Variants in ATP10A observed in about 807,000 individuals in gnomAD.
ATP10A encodes phospholipid-transporting ATPase VA.
In ATP10A, 111 loss-of-function variants were observed where a neutral mutation model predicts 147.8. The ratio of observed to expected loss-of-function variants is 0.75; its 90% CI spans 0.64 to 0.88. The LOEUF is 0.88. Among genes scored for constraint, ATP10A ranks in the 40% least tolerant of loss-of-function variants. The pLI is 0.00. For missense variants in ATP10A, 1,927 were observed against 1,959.0 expected (o/e 0.98, Z 0.31); for synonymous variants, 875 against 841.6 (o/e 1.04, Z -0.69).
intron 9 of ATP10A, among the ~76,000 whole-genome samples, chr15:25,714,877 C>T (rs1210167972): frequency 2.0e-5 from 3 of 151,844 alleles, no homozygotes; most frequent in Non-Finnish European, 4.4e-5. Context: ...TCCTTCTAAG[C>T]GCATTAAATA....
intron 1 of ATP10A, among the ~76,000 whole-genome samples, chr15:25,816,879 A>T (rs1437358981): frequency 6.6e-6 from 1 of 152,186 alleles, no homozygotes; most frequent in African/African-American, 2.4e-5. Flanking sequence ...GGATCTTAAA[A>T]ATCCAATTGT....
At chr15:25,796,556 A>G (rs1025331237) in intron 1 of ATP10A, among the ~76,000 whole-genome samples, 2 of 152,234 alleles carry the variant, frequency 1.3e-5, no homozygotes, top group Non-Finnish European at 2.9e-5. Context: ...GTTCATGCAC[A>G]AACGTGGTAC....
intron 17 of ATP10A, among the ~76,000 whole-genome samples, chr15:25,682,894 A>G (rs1294970386): frequency 6.6e-6 from 1 of 152,198 alleles, no homozygotes; most frequent in Non-Finnish European, 1.5e-5. Context: ...GCCAGTATGT[A>G]TTTAAATCTA....
At chr15:25,741,083 C>G (rs1002507557) in intron 2 of ATP10A, among the ~76,000 whole-genome samples, 2 of 152,202 alleles carry the variant, frequency 1.3e-5, no homozygotes, top group Non-Finnish European at 2.9e-5. Context: ...GGTGCCACAG[C>G]TCCGAACTTG....
intron 2 of ATP10A, among the ~76,000 whole-genome samples, chr15:25,750,412 A>T (rs970337940): frequency 6.6e-6 from 1 of 152,118 alleles, no homozygotes; most frequent in Non-Finnish European, 1.5e-5. Context: ...GCTGAAAAAA[A>T]ATTCCTCACC....
chr15:25,713,626 G>A (rs1214535093), intron 10 of ATP10A, 48 bp downstream of exon 10: 1 of 1,563,824 alleles, frequency 6.4e-7, no homozygotes. Flanking sequence ...ATATTTCTCA[G>A]GACCTCCTCC....
intron 13 of ATP10A, among the ~76,000 whole-genome samples, chr15:25,699,787 G>C (rs941356175): frequency 2.6e-5 from 4 of 152,160 alleles, no homozygotes; most frequent in African/African-American, 9.7e-5. Context: ...AGGATCCCTT[G>C]AGCCTGGGAG....
intron 2 of ATP10A, among the ~76,000 whole-genome samples, chr15:25,760,002 C>A (rs1005821212): frequency 2.6e-5 from 4 of 151,512 alleles, no homozygotes; most frequent in African/African-American, 7.3e-5. Context: ...AAGTCTCACT[C>A]CGTCGCCAGG....
At chr15:25,850,647 C>G (rs555127166) in intron 1 of ATP10A, among the ~76,000 whole-genome samples, 32 of 150,320 alleles carry the variant, frequency 2.1e-4, no homozygotes, top group Middle Eastern at 3.2e-3. Context: ...CTCCCTCCCC[C>G]CCCAGCCCCG....
intron 2 of ATP10A, among the ~76,000 whole-genome samples, chr15:25,749,257 A>AG (rs1348103738): frequency 1.3e-5 from 2 of 152,182 alleles, no homozygotes; most frequent in African/African-American, 4.8e-5. Context: ...TCACTTTGCT[A>AG]GGAATACATC....
At position 25,684,267 on chromosome 15, in the gene ATP10A, G is replaced by A. The variant is rs191334334; in HGVS notation, c.3292-781C>T. 3.9e-5 allele frequency among the ~76,000 whole-genome samples: 6 copies of A among 152,344 alleles called. No individual in the cohort carries two copies. In the East Asian group the frequency reaches 1.2e-3, roughly 29 times the overall value. On this transcript the variant is annotated intron_variant, in intron 16 of 20. Transcript: ENST00000555815. ...CTAGATTCCTGAATATCAGCAGCCTGAGTGCATTTATACGGTGGACATGAC... is the reference window on the plus strand; with the variant it reads ...CTAGATTCCTGAATATCAGCAGCCTAAGTGCATTTATACGGTGGACATGAC...
intron 2 of ATP10A, among the ~76,000 whole-genome samples, chr15:25,750,818 A>G (rs570421895): frequency 6.6e-6 from 1 of 152,094 alleles, no homozygotes; most frequent in Non-Finnish European, 1.5e-5. Flanking sequence ...CTGAAATAAT[A>G]TCACTGAAAG....
At chr15:25,858,911 T>C (rs1597010768) in intron 1 of ATP10A, among the ~76,000 whole-genome samples, 1 of 152,038 alleles carries the variant, frequency 6.6e-6, no homozygotes, top group East Asian at 1.9e-4. Flanking sequence ...AAGATAACAA[T>C]AGCCTAGGCA....
intron 13 of ATP10A, among the ~76,000 whole-genome samples, chr15:25,697,552 C>T (rs1596704313): frequency 6.6e-6 from 1 of 152,118 alleles, no homozygotes; most frequent in South Asian, 2.1e-4. Flanking sequence ...ATTGAACATG[C>T]TGGAAATGAA....
rs192883875 is a variant in ATP10A, at chr15:25,764,466, G to A, written c.654+16553C>T. Among the ~76,000 whole-genome samples the A allele has an allele frequency of 1.5e-3, 226 of 152,248 alleles. 1 individual carries two copies. The highest frequency in any genetic ancestry group is 5.2e-3 in the African/African-American group (214 of 41,546). Reference sequence around the variant, plus strand: ...TTAGGGCATGAGGGTGGAGCCTCACGAGTGGGATTAGTGCCCTTCTAAGAA... The same window carrying A: ...TTAGGGCATGAGGGTGGAGCCTCACAAGTGGGATTAGTGCCCTTCTAAGAA... On this transcript the variant is annotated intron_variant, in intron 2 of 20. Transcript: ENST00000555815.
At chr15:25,801,495 C>T (rs1215512555) in intron 1 of ATP10A, among the ~76,000 whole-genome samples, 4 of 152,168 alleles carry the variant, frequency 2.6e-5, no homozygotes, top group Admixed American at 6.5e-5. Flanking sequence ...TAGCATCCTG[C>T]GTCAGGCAGA....
Position 25,683,658 on chromosome 15 carries a change from C to T in ATP10A, c.3292-172G>A, listed in dbSNP as rs917990993. The stretch of plus-strand genomic sequence containing the variant: ...TGAGCCCTGCTGCTGGCCTCTGCCT[C>T]TCCCTCTTCCTCTTTCCCTTCGCCC... On this transcript the variant is annotated intron_variant, in intron 16 of 20. Transcript: ENST00000555815. The T allele has an allele frequency of 8.0e-6, 5 of 625,438 alleles. No homozygotes were observed. In the African/African-American group the frequency reaches 9.2e-5, roughly 12 times the overall value. The allele number at this position is 625,438 out of a possible 1,614,324, so 38.7% of individuals were successfully genotyped here.
rs550120278 is a variant in ATP10A, at chr15:25,680,717, A to G, written c.3678+93T>C. Reference sequence around the variant, plus strand: ...AGCTTTGCAGTCTCCTGTCTACTCAAAACGACCTCCCAGACCTCATGAATC... The same window carrying G: ...AGCTTTGCAGTCTCCTGTCTACTCAGAACGACCTCCCAGACCTCATGAATC... On this transcript the variant is annotated intron_variant, in intron 19 of 20. Coordinates refer to ENST00000555815, the MANE Select transcript of ATP10A (RefSeq NM_024490.4). 3 of 1,243,074 alleles carry G rather than the reference A, an allele frequency of 2.4e-6. No homozygotes were observed. The South Asian group carries it at 3.7e-5, about 15-fold the overall frequency. The allele number at this position is 1,243,074 out of a possible 1,614,324, so 77.0% of individuals were successfully genotyped here.
At chr15:25,854,426 G>A (rs917466323) in intron 1 of ATP10A, among the ~76,000 whole-genome samples, 4 of 152,080 alleles carry the variant, frequency 2.6e-5, no homozygotes, top group African/African-American at 7.2e-5. Context: ...CAATAGAGAA[G>A]GAATAGGGGG....
Sources: allele counts gnomAD v4.1 joint callset (sites outside exome capture counted in the v4.1 genomes callset), GRCh38; gene constraint gnomAD v4.1.1; transcripts MANE v1.5; gene names NCBI Gene and HGNC (gene_info 2026-07-23, HGNC 2026-07-21).